Variants in RAB9B observed in about 807,000 individuals in gnomAD.
The protein encoded by RAB9B is ras-related protein Rab-9B.
A neutral mutation model predicts 8.9 loss-of-function variants in RAB9B; 1 was observed. The observed-to-expected ratio is 0.11, with a 90% CI of 0.04 to 0.53. The LOEUF is 0.53. Among genes scored for constraint, RAB9B ranks in the 20% least tolerant of loss-of-function variants. The pLI is 0.93. For synonymous variants in RAB9B, 63 were observed against 57.0 expected, an observed-to-expected ratio of 1.10 and a Z score of -0.47; for missense variants, 82 against 152.9, an observed-to-expected ratio of 0.54 and a Z score of 2.45.
the RAB9B span, among the ~76,000 whole-genome samples, chrX:103,782,803 C>A: frequency 0.039 from 4 of 103 alleles, no homozygotes; most frequent in Non-Finnish European, 0.11. Context: ...CTCCCCACCC[C>A]CCGGCTGCAG....
chrX:103,820,983 T>TACACACAC (rs1191042577), downstream of RAB9B, among the ~76,000 whole-genome samples: 1,191 of 20,938 alleles, frequency 0.057, 19 homozygotes, highest in Middle Eastern at 0.082. Context: ...CACACACACA[T>TACACACAC]ACACACACAC....
chrX:103,813,611 G>A, the RAB9B span, among the ~76,000 whole-genome samples: 1 of 108,534 alleles, frequency 9.2e-6, no homozygotes, highest in Admixed American at 1.0e-4. Context: ...CCAATTAAAA[G>A]ACGACGACTG....
the RAB9B span, among the ~76,000 whole-genome samples, chrX:103,783,862 C>T: frequency 8.9e-6 from 1 of 111,814 alleles, no homozygotes. Context: ...ATAGCAGCTT[C>T]CCAGTACATT....
the RAB9B span, among the ~76,000 whole-genome samples, chrX:103,783,563 G>A: frequency 1.8e-5 from 2 of 112,176 alleles, no homozygotes; most frequent in Non-Finnish European, 3.8e-5. Flanking sequence ...TGAGAACAGA[G>A]GCAAATGCCT....
chrX:103,827,099 C>T (rs1357768906), intron 1 of RAB9B, 21 bp from the exon 2 acceptor site: 1 of 106,368 alleles, frequency 9.4e-6, no homozygotes, highest in East Asian at 3.0e-4. Flanking sequence ...GAATAGAAAA[C>T]ATTATTTTAA....
chrX:103,812,926 T>G, the RAB9B span, among the ~76,000 whole-genome samples: 2 of 109,628 alleles, frequency 1.8e-5, no homozygotes, highest in Non-Finnish European at 1.9e-5. Context: ...TTCCTGAGTT[T>G]TTTTTTTTTT....
rs1661068758 is a variant in RAB9B, at chrX:103,826,473, T to C, written c.-43+532A>G. Among the ~76,000 whole-genome samples the C allele has an allele frequency of 2.7e-5, 3 of 112,212 alleles. No homozygotes were observed. The South Asian group carries it at 1.1e-3, about 42-fold the overall frequency. On this transcript the variant is annotated intron_variant, in intron 2 of 2. Transcript: ENST00000243298. ...TTAAGTTGATGACAATTGACTGATA[T>C]CAATATAACAGCTGTCATGAAGGAA... is the stretch of plus-strand genomic sequence containing the variant.
At chrX:103,802,704 C>A in the RAB9B span, among the ~76,000 whole-genome samples, 22,581 of 110,997 alleles carry the variant, frequency 0.2, 1,943 homozygotes, top group Non-Finnish European at 0.27. Flanking sequence ...AGTGTGCAAT[C>A]CAATGAGTTT....
the RAB9B span, among the ~76,000 whole-genome samples, chrX:103,778,298 C>T: frequency 8.9e-6 from 1 of 112,354 alleles, no homozygotes; most frequent in Non-Finnish European, 1.9e-5. Context: ...ATAATACCTA[C>T]TATTAGACAA....
At chrX:103,821,344 A>T (rs377373485), downstream of RAB9B, among the ~76,000 whole-genome samples, 1 of 67,111 alleles carries the variant, frequency 1.5e-5, no homozygotes, top group African/African-American at 6.6e-5. Flanking sequence ...TGGAAATGGT[A>T]CATGTGGCAA....
the RAB9B span, chrX:103,780,379 C>T: frequency 9.0e-6 from 1 of 111,588 alleles, no homozygotes; most frequent in Admixed American, 9.5e-5. Flanking sequence ...AAAGTCCTAC[C>T]TCAGCTTCCC....
chrX:103,777,101 C>A, the RAB9B span: 2 of 666,778 alleles, frequency 3.0e-6, no homozygotes, highest in Non-Finnish European at 4.9e-6. Flanking sequence ...TTAAATGAGT[C>A]GTGTTTTGGC....
At chrX:103,820,951 AACACAC>A (rs777837640), downstream of RAB9B, among the ~76,000 whole-genome samples, 2 of 53,303 alleles carry the variant, frequency 3.8e-5, no homozygotes, top group South Asian at 1.8e-3. Context: ...CCCTGTCTCA[AACACAC>A]ACACACACAC....
chrX:103,777,069 T>C, the RAB9B span: 11 of 959,299 alleles, frequency 1.1e-5, no homozygotes, highest in Non-Finnish European at 1.5e-5. Flanking sequence ...TTTCCAACTT[T>C]GGGGTTCGGG....
the RAB9B span, among the ~76,000 whole-genome samples, chrX:103,785,366 C>T: frequency 8.9e-6 from 1 of 112,497 alleles, no homozygotes. Context: ...CATGAGCCAC[C>T]GTGCCCGGCC....
the RAB9B span, chrX:103,786,367 G>A: frequency 1.9e-6 from 2 of 1,052,657 alleles, no homozygotes; most frequent in Non-Finnish European, 2.7e-6. Context: ...GCCTTGTTAA[G>A]GTGCTCGCTC....
chrX:103,831,958 C>T (rs1371381681), intron 1 of RAB9B, 102 bp downstream of exon 1: 1 of 111,884 alleles, frequency 8.9e-6, no homozygotes, highest in African/African-American at 3.3e-5. Context: ...TGGGGATCAA[C>T]TAGACTTTCC....
At chrX:103,813,883 C>T in the RAB9B span, among the ~76,000 whole-genome samples, 2 of 108,861 alleles carry the variant, frequency 1.8e-5, no homozygotes, top group Non-Finnish European at 3.8e-5. Context: ...ACAAGAAGAG[C>T]TAACTATCCT....
At chrX:103,789,137 T>G in the RAB9B span, 125 of 474,524 alleles carry the variant, frequency 2.6e-4, no homozygotes, top group South Asian at 3.5e-3. Context: ...GTGATCTGGG[T>G]GTTAATGGGC....
Sources: allele counts gnomAD v4.1 joint callset (sites outside exome capture counted in the v4.1 genomes callset), GRCh38; gene constraint gnomAD v4.1.1; transcripts MANE v1.5; gene names NCBI Gene and HGNC (gene_info 2026-07-23, HGNC 2026-07-21).